The following CACNG2 variants were observed in gnomAD, a reference collection of about 807,000 sequenced individuals.
CACNG2 encodes the protein voltage-dependent calcium channel gamma-2 subunit.
Under a neutral mutation model 25.9 loss-of-function variants are expected in CACNG2, and 3 were observed. The ratio of observed to expected loss-of-function variants is 0.12; its 90% confidence interval spans 0.05 to 0.30. The LOEUF is 0.30. Ranked by LOEUF, CACNG2 falls within the 10% of genes least tolerant of loss-of-function variation. CACNG2 has a pLI of 1.00. For missense variants in CACNG2, 341 were observed against 432.5 expected (o/e 0.79, Z 1.88); for synonymous variants, 167 against 173.3 (o/e 0.96, Z 0.29).
At chr22:36,571,444 G>A (rs1459742207) in intron 2 of CACNG2, among the ~76,000 whole-genome samples, 5 of 150,340 alleles carry the variant, frequency 3.3e-5, no homozygotes, top group Non-Finnish European at 5.9e-5. Flanking sequence ...GTGACGGAGC[G>A]AGGTTCCATC....
At chr22:36,584,230 T>C (rs1935464437) in intron 2 of CACNG2, among the ~76,000 whole-genome samples, 1 of 152,146 alleles carries the variant, frequency 6.6e-6, no homozygotes, top group Non-Finnish European at 1.5e-5. Flanking sequence ...GGCAGGCGGA[T>C]CACCTGAGGC....
chr22:36,621,636 G>T (rs5750279), intron 1 of CACNG2, among the ~76,000 whole-genome samples: 3 of 151,230 alleles, frequency 2.0e-5, no homozygotes, highest in Admixed American at 6.6e-5. Flanking sequence ...TACATACACA[G>T]GCACACACAC....
chr22:36,680,614 T>TACC (rs1306574039), intron 1 of CACNG2, among the ~76,000 whole-genome samples: 3 of 120,222 alleles, frequency 2.5e-5, no homozygotes, highest in Admixed American at 8.2e-5. Context: ...CTATAATTAC[T>TACC]ACCACCATCA....
chr22:36,650,289 C>A (rs1028403349), intron 1 of CACNG2, among the ~76,000 whole-genome samples: 2 of 152,166 alleles, frequency 1.3e-5, no homozygotes, highest in Non-Finnish European at 2.9e-5. Flanking sequence ...CCTCCCTTCA[C>A]CCTGATACCT....
intron 1 of CACNG2, among the ~76,000 whole-genome samples, chr22:36,619,481 T>A (rs1270364474): frequency 6.6e-6 from 1 of 152,236 alleles, no homozygotes; most frequent in Non-Finnish European, 1.5e-5. Flanking sequence ...AAGTGTCTAT[T>A]GAGTTCACTA....
chr22:36,689,867 C>CA (rs1937246863), intron 1 of CACNG2, among the ~76,000 whole-genome samples: 1 of 152,210 alleles, frequency 6.6e-6, no homozygotes, highest in African/African-American at 2.4e-5. Flanking sequence ...AGGAAGCTGC[C>CA]AGGGTGACCT....
chr22:36,571,609 G>C (rs2145909997), intron 2 of CACNG2, among the ~76,000 whole-genome samples: 1 of 152,034 alleles, frequency 6.6e-6, no homozygotes, highest in Non-Finnish European at 1.5e-5. Flanking sequence ...GGGCTCGGTG[G>C]CTCACACCTG....
intron 1 of CACNG2, among the ~76,000 whole-genome samples, chr22:36,696,993 G>A (rs1937350342): frequency 6.6e-6 from 1 of 152,190 alleles, no homozygotes; most frequent in African/African-American, 2.4e-5. Flanking sequence ...AACTTCATCT[G>A]AAAACTTCTG....
At chr22:36,682,865 CACTT>C (rs1937143748) in intron 1 of CACNG2, among the ~76,000 whole-genome samples, 1 of 152,184 alleles carries the variant, frequency 6.6e-6, no homozygotes, top group African/African-American at 2.4e-5. Flanking sequence ...GGACGGCTCT[CACTT>C]TCTTTTAATT....
rs752482210 is a variant in CACNG2 at position 36,606,436 on chromosome 22, C to T, written c.212-18888G>A. Among the ~76,000 whole-genome samples, 9 of 152,084 alleles carry T rather than the reference C, an allele frequency of 5.9e-5. No homozygotes were observed. The highest frequency in any genetic ancestry group is 8.8e-5 in the Non-Finnish European group (6 of 68,018). On this transcript the variant is annotated intron_variant, in intron 1 of 3. Transcript: ENST00000300105. This position sits in a 1 kb window ranked among gnomAD's most constrained non-coding sequence, Gnocchi z 5.7. ...GGAACGCCTCTAAAGATTCATTGCT[C>T]GTGTAAGTGAAAGAGCTGGGCTCTG...
intron 2 of CACNG2, among the ~76,000 whole-genome samples, chr22:36,576,607 T>A (rs2283974): frequency 0.025 from 3,771 of 149,002 alleles, 60 homozygotes; most frequent in East Asian, 0.037. Flanking sequence ...TGTGTGTGTG[T>A]GAGAGAGAGA....
intron 1 of CACNG2, among the ~76,000 whole-genome samples, chr22:36,659,493 AAGTTCATGAATCC>A (rs756704051): frequency 3.3e-5 from 5 of 152,128 alleles, no homozygotes; most frequent in Non-Finnish European, 7.4e-5. Context: ...TACCTTGCCC[AAGTTCATGAATCC>A]AGGAAGGGTA....
chr22:36,650,365 C>T (rs1465501212), intron 1 of CACNG2, among the ~76,000 whole-genome samples: 1 of 151,936 alleles, frequency 6.6e-6, no homozygotes, highest in Non-Finnish European at 1.5e-5. Flanking sequence ...GGCCTCCTTG[C>T]CATTCTATTT....
At chr22:36,692,018 A>C (rs1937272975) in intron 1 of CACNG2, among the ~76,000 whole-genome samples, 2 of 152,212 alleles carry the variant, frequency 1.3e-5, no homozygotes, top group Admixed American at 1.3e-4. Context: ...GATAGAAAAA[A>C]GTGCATACAT....
chr22:36,639,396 A>T (rs538138841), intron 1 of CACNG2, among the ~76,000 whole-genome samples: 1 of 152,344 alleles, frequency 6.6e-6, no homozygotes, highest in African/African-American at 2.4e-5. Context: ...GCATCTGGAC[A>T]GGAGGGGAAA....
chr22:36,636,199 T>G (rs1936354798), intron 1 of CACNG2, among the ~76,000 whole-genome samples: 1 of 152,164 alleles, frequency 6.6e-6, no homozygotes, highest in South Asian at 2.1e-4. Context: ...TCCATCTTCA[T>G]CCCATTCTAT....
chr22:36,623,710 CAAT>C (rs1936142227), intron 1 of CACNG2, among the ~76,000 whole-genome samples: 1 of 151,872 alleles, frequency 6.6e-6, no homozygotes, highest in African/African-American at 2.4e-5. Flanking sequence ...TAAAAACTGA[CAAT>C]AATGATGATG....
At chr22:36,666,592 A>C (rs943696203) in intron 1 of CACNG2, among the ~76,000 whole-genome samples, 6 of 152,072 alleles carry the variant, frequency 3.9e-5, no homozygotes. Context: ...GAGTTCTGCA[A>C]ACGGGTGGTG....
intron 1 of CACNG2, among the ~76,000 whole-genome samples, chr22:36,696,971 C>T (rs1482612527): frequency 2.6e-5 from 4 of 152,126 alleles, no homozygotes; most frequent in South Asian, 2.1e-4. Context: ...ATTCTTTCAA[C>T]GAGACCACAA....
Sources: allele counts gnomAD v4.1 joint callset (sites outside exome capture counted in the v4.1 genomes callset), GRCh38; gene constraint gnomAD v4.1.1; non-coding constraint Gnocchi (gnomAD v3.1); transcripts MANE v1.5; gene names NCBI Gene and HGNC (gene_info 2026-07-23, HGNC 2026-07-21).